The following CUBN variants were observed in gnomAD, a reference collection of about 807,000 sequenced individuals.
CUBN encodes the protein 460 kDa receptor.
CUBN carries 282 observed loss-of-function variants against 405.3 expected under a neutral mutation model. The ratio of observed to expected loss-of-function variants is 0.70; its 90% confidence interval spans 0.63 to 0.77. The LOEUF (loss-of-function observed/expected upper bound fraction) is 0.77. CUBN is among the 30% of genes least tolerant of loss of function. CUBN has a pLI of 0.00. For missense variants in CUBN, 4,514 were observed against 4,475.2 expected (o/e 1.01, Z -0.25); for synonymous variants, 1,684 against 1,617.0 (o/e 1.04, Z -0.99).
chr10:16,836,533 G>A (rs1012053812), intron 62 of CUBN, 151 bp from the exon 63 acceptor site: 27 of 780,086 alleles, frequency 3.5e-5, no homozygotes, highest in African/African-American at 1.0e-4. Context: ...GAAGACTCAC[G>A]TTGGCCTTGG....
chr10:16,915,728 C>G, intron 46 of CUBN, 93 bp downstream of exon 46: 1 of 1,043,398 alleles, frequency 9.6e-7, no homozygotes, highest in East Asian at 2.5e-5. Flanking sequence ...TATAGATGTG[C>G]TTTTGCCTTT....
intron 31 of CUBN, among the ~76,000 whole-genome samples, chr10:16,964,590 A>G (rs1843334865): frequency 1.3e-5 from 2 of 152,192 alleles, no homozygotes; most frequent in Admixed American, 6.6e-5. Context: ...GTATTCTACA[A>G]ATTTAATATG....
intron 42 of CUBN, 40 bp from the exon 43 acceptor site, chr10:16,925,464 T>G (rs778251966): frequency 6.2e-7 from 1 of 1,605,366 alleles, no homozygotes. Context: ...TCCTTTACAT[T>G]GCAAAAGAAG....
intron 15 of CUBN, 35 bp from the exon 16 acceptor site, chr10:17,085,794 G>A (rs1476326701): frequency 1.2e-6 from 2 of 1,601,608 alleles, no homozygotes; most frequent in Non-Finnish European, 1.7e-6. Context: ...AGCTCAAAGT[G>A]GTCAGATTTT....
chr10:17,026,611 G>A (rs1834671007), intron 27 of CUBN, among the ~76,000 whole-genome samples: 1 of 148,392 alleles, frequency 6.7e-6, no homozygotes. Context: ...TCCAGCCTGG[G>A]AAACAGAGCA....
intron 50 of CUBN, among the ~76,000 whole-genome samples, chr10:16,905,535 G>A (rs1195189480): frequency 6.6e-6 from 1 of 152,102 alleles, no homozygotes; most frequent in African/African-American, 2.4e-5. Context: ...GGAAGTTCAG[G>A]AAACTGCCAA....
intron 3 of CUBN, among the ~76,000 whole-genome samples, chr10:17,127,268 T>TC (rs1186526183): frequency 1.8e-5 from 2 of 109,950 alleles, no homozygotes; most frequent in Non-Finnish European, 3.9e-5. Context: ...CTCTTTCTTT[T>TC]TTTTTTTTTT....
intron 28 of CUBN, among the ~76,000 whole-genome samples, chr10:17,010,325 C>T (rs1834147024): frequency 1.3e-5 from 2 of 152,158 alleles, no homozygotes; most frequent in African/African-American, 4.8e-5. Flanking sequence ...TTTAACGGAT[C>T]CATGAGTTGA....
At position 17,085,734 on chromosome 10, in the gene CUBN, T is replaced by C. The variant is rs888951667; in HGVS notation, c.1973A>G (p.Asp658Gly). Residue 658 changes from aspartate to glycine, a missense_variant, in exon 16 of 67, where the codon GAC becomes GGC. This residue lies in a region of CUBN where 1,448 missense variants were observed against 1,388.0 expected (regional missense o/e 1.04). Transcript: ENST00000377833. ...LEIRDGPLYQ[D>G]PLLGKFCTTF... ...GGTGCAGAACTTCCCAAGAAGGGGG[T>C]CCTGATACAAAGGACCATCTCGAAT... is the stretch of plus-strand genomic sequence containing the variant. The C allele has an allele frequency of 3.5e-5, 57 of 1,613,714 alleles. No individual in the cohort carries two copies. The highest frequency in any genetic ancestry group is 4.7e-5 in the Non-Finnish European group (56 of 1,179,948).
At chr10:16,942,604 A>G (rs922889771) in intron 36 of CUBN, among the ~76,000 whole-genome samples, 1 of 152,202 alleles carries the variant, frequency 6.6e-6, no homozygotes, top group African/African-American at 2.4e-5. Flanking sequence ...ATATGGAGAA[A>G]TTAGAACTCT....
chr10:16,969,251 GCTATGCAT>G (rs33928741), intron 31 of CUBN, among the ~76,000 whole-genome samples: 54,042 of 151,928 alleles, frequency 0.36, 9,983 homozygotes, highest in Middle Eastern at 0.44. Context: ...CATTTATTCA[GCTATGCAT>G]CTATTAACAA....
intron 20 of CUBN, 21 bp downstream of exon 20, chr10:17,068,584 A>T (rs954808686): frequency 6.3e-7 from 1 of 1,595,284 alleles, no homozygotes; most frequent in Non-Finnish European, 8.6e-7. Flanking sequence ...GGAGGAAAAA[A>T]AAAAGGGAAC....
chr10:17,004,280 C>T (rs904082990), intron 28 of CUBN, among the ~76,000 whole-genome samples: 2 of 152,190 alleles, frequency 1.3e-5, no homozygotes, highest in Non-Finnish European at 2.9e-5. Context: ...CAAAGACTAA[C>T]GTGGTATTTC....
chr10:16,876,543 T>A (rs1473226414), intron 57 of CUBN, among the ~76,000 whole-genome samples: 1 of 152,140 alleles, frequency 6.6e-6, no homozygotes, highest in Admixed American at 6.5e-5. Context: ...ATTAGCAAAA[T>A]GACTTGGGGA....
intron 27 of CUBN, among the ~76,000 whole-genome samples, chr10:17,026,509 T>G (rs577829725): frequency 6.6e-6 from 1 of 152,066 alleles, no homozygotes; most frequent in Non-Finnish European, 1.5e-5. Flanking sequence ...GGCGTACGCC[T>G]GTAGTCCCAG....
intron 31 of CUBN, among the ~76,000 whole-genome samples, chr10:16,967,451 T>C (rs574297273): frequency 3.3e-5 from 5 of 152,300 alleles, no homozygotes; most frequent in South Asian, 2.1e-4. Context: ...TGTCCACAGA[T>C]TGAGAGCTGT....
At chr10:17,040,740 AAAC>A (rs1834999223) in intron 27 of CUBN, among the ~76,000 whole-genome samples, 4 of 152,006 alleles carry the variant, frequency 2.6e-5, no homozygotes. Context: ...ACAAACATAA[AAAC>A]AACCAACAAA....
At chr10:16,998,679 G>A (rs550521783) in intron 28 of CUBN, among the ~76,000 whole-genome samples, 2 of 152,204 alleles carry the variant, frequency 1.3e-5, no homozygotes, top group Non-Finnish European at 2.9e-5. Flanking sequence ...TATTCAAGGA[G>A]TGCACATTTG....
chr10:16,830,719 G>C (rs568505729), intron 65 of CUBN, among the ~76,000 whole-genome samples: 3 of 152,096 alleles, frequency 2.0e-5, no homozygotes, highest in African/African-American at 7.2e-5. Flanking sequence ...AGGAATTTTT[G>C]AATCTTCCTA....
Sources: gnomAD v4.1 joint callset for allele counts (sites outside exome capture counted in the v4.1 genomes callset) on GRCh38, gnomAD v4.1.1 for gene constraint, gnomAD v4.1.1 regional missense constraint, MANE v1.5 for transcripts, NCBI Gene and HGNC (gene_info 2026-07-23, HGNC 2026-07-21) for gene names.